The following MAST2 variants were observed in gnomAD, a reference collection of about 807,000 sequenced individuals.
MAST2 encodes the protein microtubule associated serine/threonine kinase 2.
MAST2 carries 70 observed loss-of-function variants against 147.4 expected under a neutral mutation model. That is an observed-to-expected ratio of 0.47 (90% CI 0.39 to 0.58). The LOEUF (loss-of-function observed/expected upper bound fraction) is 0.58. Ranked by LOEUF, MAST2 falls within the 20% of genes least tolerant of loss-of-function variation. The pLI is 0.00. For missense variants in MAST2, 2,080 were observed against 2,302.3 expected (o/e 0.90, Z 1.98); for synonymous variants, 869 against 896.8 (o/e 0.97, Z 0.55).
intron 1 of MAST2, among the ~76,000 whole-genome samples, chr1:45,816,587 C>G (rs1432421701): frequency 1.3e-5 from 2 of 152,100 alleles, no homozygotes; most frequent in Non-Finnish European, 2.9e-5. Flanking sequence ...AAGAACCAAG[C>G]TGAAATTTTG....
intron 4 of MAST2, among the ~76,000 whole-genome samples, chr1:45,902,879 T>C (rs1484157584): frequency 1.3e-5 from 2 of 152,110 alleles, no homozygotes; most frequent in South Asian, 2.1e-4. Context: ...CTTTTCTTGG[T>C]TAATCTACCT....
At chr1:45,811,254 C>A (rs912958405) in intron 1 of MAST2, among the ~76,000 whole-genome samples, 9 of 151,826 alleles carry the variant, frequency 5.9e-5, no homozygotes, top group African/African-American at 1.7e-4. Flanking sequence ...GCAGCCTCCC[C>A]CTGTGGGGTT....
intron 1 of MAST2, among the ~76,000 whole-genome samples, chr1:45,824,113 A>G (rs2148705022): frequency 6.6e-6 from 1 of 152,278 alleles, no homozygotes; most frequent in African/African-American, 2.4e-5. Flanking sequence ...TAGGAAGGGT[A>G]TGAATAAAAG....
chr1:46,024,495 ACT>A, intron 15 of MAST2: 1 of 181,602 alleles, frequency 5.5e-6, no homozygotes, highest in Non-Finnish European at 1.2e-5. Context: ...TCACCTTCTC[ACT>A]GTGTGTACAG....
chr1:45,868,508 G>C (rs966689735), intron 3 of MAST2, among the ~76,000 whole-genome samples: 1 of 152,020 alleles, frequency 6.6e-6, no homozygotes, highest in South Asian at 2.1e-4. Flanking sequence ...AAACTAAATT[G>C]TATAGTATTT....
intron 4 of MAST2, among the ~76,000 whole-genome samples, chr1:45,898,719 G>A (rs1172223488): frequency 6.6e-6 from 1 of 152,142 alleles, no homozygotes. Flanking sequence ...TGTCTCTGTT[G>A]CTGAGAAACA....
intron 5 of MAST2, among the ~76,000 whole-genome samples, chr1:45,983,099 A>G (rs569602359): frequency 6.6e-6 from 1 of 152,320 alleles, no homozygotes; most frequent in East Asian, 1.9e-4. Context: ...TTACCCTGGC[A>G]ACAACTCCAT....
intron 3 of MAST2, among the ~76,000 whole-genome samples, chr1:45,859,275 T>G (rs1570406723): frequency 6.6e-6 from 1 of 152,206 alleles, no homozygotes; most frequent in Non-Finnish European, 1.5e-5. Context: ...AATTGTTGTA[T>G]TTTTAATAGA....
At chr1:45,866,705 C>A (rs887685657) in intron 3 of MAST2, among the ~76,000 whole-genome samples, 1 of 151,670 alleles carries the variant, frequency 6.6e-6, no homozygotes, top group Non-Finnish European at 1.5e-5. Flanking sequence ...TTTCCTACAG[C>A]CTTATACTTA....
intron 4 of MAST2, among the ~76,000 whole-genome samples, chr1:45,925,345 A>C (rs898180741): frequency 6.6e-6 from 1 of 152,204 alleles, no homozygotes; most frequent in Non-Finnish European, 1.5e-5. Context: ...GGTATGATGA[A>C]CCTTAAGAGG....
At position 45,804,056 on chromosome 1, in the gene MAST2, C is replaced by G; in HGVS notation, c.161C>G (p.Pro54Arg). 2 of 1,277,230 alleles carry G rather than the reference C, an allele frequency of 1.6e-6. No homozygotes were observed. The highest frequency in any genetic ancestry group is 2.0e-6 in the Non-Finnish European group (2 of 1,004,492). The allele number at this position is 1,277,230 out of a possible 1,614,324, so 79.1% of individuals were successfully genotyped here. A position where few individuals can be genotyped will look rare whatever the true frequency, so the allele number is the denominator to read the frequency against. ...RLEERTGPAG[P>R]EGKEQDVVTG... ...GAGGAGCGGACGGGCCCCGCGGGGC[C>G]CGAGGGCAAGGAGCAGGTAGGGCGG... Residue 54 changes from proline to arginine, a missense_variant, in exon 1 of 29, where the codon CCC (proline) becomes CGC (arginine). Coordinates refer to ENST00000361297, the MANE Select transcript of MAST2 (RefSeq NM_015112.3).
chr1:46,035,935 G>GA lies in MAST2; in HGVS notation c.5267dup (p.Asp1756GlufsTer14). The GA allele has an allele frequency of 6.2e-7, 1 of 1,614,076 alleles. No homozygotes were observed. Among genetic ancestry groups the GA allele is most frequent in the Non-Finnish European group, 8.5e-7 (1 of 1,180,034 alleles). ...TGATGCCTCAGGTGACAGAAGGCAG[G>GA]ACGTTCCATGCCGAGGCTGCCCCCT... On this transcript the variant is annotated frameshift_variant, in exon 29 of 29. Coordinates refer to ENST00000361297, the MANE Select transcript of MAST2 (RefSeq NM_015112.3). LOFTEE classifies it high-confidence loss of function. This position sits in a 1 kb window ranked among gnomAD's most constrained non-coding sequence, Gnocchi z 5.5.
intron 7 of MAST2, among the ~76,000 whole-genome samples, chr1:46,003,850 T>G (rs917501914): frequency 1.3e-5 from 2 of 152,176 alleles, no homozygotes; most frequent in African/African-American, 4.8e-5. Flanking sequence ...TGTTTTAGTC[T>G]TTGAAGGCCA....
chr1:45,847,286 G>C (rs1645467675), intron 3 of MAST2: 1 of 509,472 alleles, frequency 2.0e-6, no homozygotes, highest in Non-Finnish European at 4.0e-6. Context: ...CCTGGGAACA[G>C]TGCTGCCTGT....
rs375890961 is a variant in MAST2 at position 45,962,456 on chromosome 1, C to T, written c.592+2979C>T. ...TGTTGTTTCCTGACTTTTTAATGATCGCCATTCTAACTGGTGCAAGATGAT... is the reference window on the plus strand; with the variant it reads ...TGTTGTTTCCTGACTTTTTAATGATTGCCATTCTAACTGGTGCAAGATGAT... On this transcript the variant is annotated intron_variant, in intron 5 of 28. Coordinates refer to ENST00000361297, the MANE Select transcript of MAST2 (RefSeq NM_015112.3). 6.4e-4 allele frequency among the ~76,000 whole-genome samples: 97 copies of T among 152,198 alleles called. No individual in the cohort carries two copies. In the East Asian group the frequency reaches 0.014, roughly 21 times the overall value.
chr1:45,919,389 T>G (rs1200418169), intron 4 of MAST2, among the ~76,000 whole-genome samples: 1 of 152,084 alleles, frequency 6.6e-6, no homozygotes, highest in Admixed American at 6.5e-5. Context: ...TAGAAGCCAG[T>G]TGAAAAAAAA....
At chr1:45,994,475 C>T (rs1377937434) in intron 5 of MAST2, among the ~76,000 whole-genome samples, 2 of 151,682 alleles carry the variant, frequency 1.3e-5, no homozygotes, top group South Asian at 2.1e-4. Context: ...TTAGTAGAGA[C>T]GGGATTTTGC....
chr1:46,015,834 C>G (rs1386788353), intron 10 of MAST2, among the ~76,000 whole-genome samples: 1 of 152,198 alleles, frequency 6.6e-6, no homozygotes, highest in Non-Finnish European at 1.5e-5. Flanking sequence ...ATGATGCCAG[C>G]ATCATCCTGA....
chr1:45,870,271 T>A (rs760346822), intron 3 of MAST2, among the ~76,000 whole-genome samples: 1 of 152,172 alleles, frequency 6.6e-6, no homozygotes, highest in Non-Finnish European at 1.5e-5. Context: ...TATCATCTGA[T>A]ATTGTTTTAT....
Sources: gnomAD v4.1 joint callset for allele counts (sites outside exome capture counted in the v4.1 genomes callset) on GRCh38, gnomAD v4.1.1 for gene constraint, Gnocchi (gnomAD v3.1) non-coding constraint, MANE v1.5 for transcripts, NCBI Gene and HGNC (gene_info 2026-07-23, HGNC 2026-07-21) for gene names.